Variants in CYLC2 observed in about 807,000 individuals in gnomAD.
CYLC2 encodes the protein cylicin 2.
A neutral mutation model predicts 26.1 loss-of-function variants in CYLC2; 30 were observed. The ratio of observed to expected loss-of-function variants is 1.15; its 90% CI spans 0.86 to 1.56. CYLC2 has a LOEUF of 1.56. CYLC2 is among the 40% of genes most tolerant of loss of function. CYLC2 has a pLI of 0.00. For synonymous variants in CYLC2, 158 were observed against 132.8 expected, an observed-to-expected ratio of 1.19 and a Z score of -1.31; for missense variants, 498 against 394.4, an observed-to-expected ratio of 1.26 and a Z score of -2.23.
At position 103,002,968 on chromosome 9, in the gene CYLC2, ATTT is replaced by A. The variant is rs1251580687; in HGVS notation, c.59-171_59-169del. On this transcript the variant is annotated intron_variant, in intron 2 of 7. Coordinates refer to ENST00000374798, the MANE Select transcript of CYLC2 (RefSeq NM_001340.5). ...AAAACTGCTCAAAATAGAAAAATCA[ATTT>A]TTATTTTCTCATATTGATAACAGAA... is the stretch of plus-strand genomic sequence containing the variant. 2.0e-5 allele frequency among the ~76,000 whole-genome samples: 3 copies of A among 152,156 alleles called. No homozygotes were observed. The South Asian group carries it at 6.2e-4, about 31-fold the overall frequency.
At chr9:103,007,889 T>A (rs944782810) in intron 5 of CYLC2, among the ~76,000 whole-genome samples, 1 of 152,104 alleles carries the variant, frequency 6.6e-6, no homozygotes, top group African/African-American at 2.4e-5. Flanking sequence ...CATTGGGTCC[T>A]GTCCCTCCTG....
rs140465830 is a variant in CYLC2, at chr9:102,996,109, T to C, written c.17+712T>C. Among the ~76,000 whole-genome samples the C allele has an allele frequency of 1.2e-3, 177 of 151,930 alleles. 5 individuals are homozygous for C. The East Asian group carries it at 0.033, about 29-fold the overall frequency. Reference sequence around the variant, plus strand: ...GTATGGGTGGGCCTTAATTTAGCAGTATTGTTAAAGGAAAGATAAAACATG... The same window carrying C: ...GTATGGGTGGGCCTTAATTTAGCAGCATTGTTAAAGGAAAGATAAAACATG... On this transcript the variant is annotated intron_variant, in intron 1 of 7. Coordinates refer to ENST00000374798, the MANE Select transcript of CYLC2 (RefSeq NM_001340.5).
At chr9:103,002,004 A>G (rs1829293377) in intron 2 of CYLC2, among the ~76,000 whole-genome samples, 1 of 152,168 alleles carries the variant, frequency 6.6e-6, no homozygotes, top group Non-Finnish European at 1.5e-5. Flanking sequence ...TTTCTTTACT[A>G]GACAAGGCAA....
In CYLC2 at chr9:103,010,275, C is replaced by A. The variant is rs143688257; in HGVS notation, c.*701-1707C>A. On this transcript the variant is annotated intron_variant, in intron 5 of 7. Transcript: ENST00000374798. ...TCCTTGTAAAAGCAGTGGCAAAATA[C>A]AAAATTATTGCATAATTATAATCAT... Among the ~76,000 whole-genome samples the A allele has an allele frequency of 5.1e-3, 780 of 152,088 alleles. 6 individuals carry two copies. Among genetic ancestry groups the A allele is most frequent in the African/African-American group, 0.018 (738 of 41,532 alleles).
In CYLC2 at chr9:103,013,003, G is replaced by A. The variant is rs117587901; in HGVS notation, c.*816+906G>A. On this transcript the variant is annotated intron_variant, in intron 6 of 7. Coordinates refer to ENST00000374798, the MANE Select transcript of CYLC2 (RefSeq NM_001340.5). The stretch of plus-strand genomic sequence containing the variant: ...GCATTTCTGTTGGCTGGAAAAAAAA[G>A]GAAAGGGTATGATTTTATTGATAGC... Among the ~76,000 whole-genome samples the A allele has an allele frequency of 0.011, 1,623 of 148,534 alleles. 98 individuals carry two copies. In the East Asian group the frequency reaches 0.2, roughly 18 times the overall value.
At chr9:102,999,495 C>A (rs1412570976) in intron 1 of CYLC2, among the ~76,000 whole-genome samples, 3 of 151,716 alleles carry the variant, frequency 2.0e-5, no homozygotes, top group African/African-American at 7.3e-5. Flanking sequence ...AAAATAGGAT[C>A]TGGATTTAAA....
Position 103,008,637 on chromosome 9 carries a change from A to G in CYLC2, c.*700+2259A>G, listed in dbSNP as rs143782452. Among the ~76,000 whole-genome samples, 779 of 152,220 alleles carry G rather than the reference A, an allele frequency of 5.1e-3. 6 individuals carry two copies. The highest frequency in any genetic ancestry group is 0.018 in the African/African-American group (737 of 41,546). On this transcript the variant is annotated intron_variant, in intron 5 of 7. Transcript: ENST00000374798. ...TGGTATCCAATCTGTAGCTTAATCC[A>G]AAATCAGTGAGTCATCCCTAATTAC...
intron 6 of CYLC2, among the ~76,000 whole-genome samples, chr9:103,013,291 A>G (rs1368695431): frequency 5.4e-4 from 58 of 108,276 alleles, no homozygotes; most frequent in African/African-American, 2.1e-3. Context: ...CACATTAAAT[A>G]TATATTTACA....
chr9:103,007,082 A>C (rs535115450), intron 5 of CYLC2, among the ~76,000 whole-genome samples: 1 of 152,124 alleles, frequency 6.6e-6, no homozygotes, highest in East Asian at 1.9e-4. Flanking sequence ...ATCAAACTAA[A>C]GGTTCAAATT....
Position 103,004,770 on chromosome 9 carries a change from G to A in CYLC2, c.256G>A (p.Glu86Lys). 6.2e-7 allele frequency: 1 copy of A among 1,612,302 alleles called. No homozygotes were observed. Among genetic ancestry groups the A allele is most frequent in the Admixed American group, 1.7e-5 (1 of 59,728 alleles). ...GTACCGTTCTTTAATGAGAATTTCT[G>A]AGAGACCATCTGTTTATTTAGCTGC... Reference protein sequence around the residue: ...WMYRSLMRISERPSVYLAARR... With the variant: ...WMYRSLMRISKRPSVYLAARR... The change falls in exon 4 of 8, where the codon GAG (glutamate) becomes AAG (lysine). Residue 86 changes from glutamate (E) to lysine (K), a missense_variant. Physicochemically the swap from Glu to Lys is moderately conservative, Grantham distance 56. Transcript: ENST00000374798.
chr9:102,995,481 A>T, intron 1 of CYLC2, 84 bp downstream of exon 1: 5 of 977,292 alleles, frequency 5.1e-6, no homozygotes, highest in Non-Finnish European at 8.2e-6. Context: ...GATATTTATT[A>T]TATTATTATG....
At chr9:102,997,887 T>A (rs958653375) in intron 1 of CYLC2, among the ~76,000 whole-genome samples, 8 of 151,938 alleles carry the variant, frequency 5.3e-5, no homozygotes, top group Non-Finnish European at 7.4e-5. Context: ...CTGAAAAAAA[T>A]TTTTTATGGT....
At chr9:103,013,191 T>TAA (rs1829430524) in intron 6 of CYLC2, among the ~76,000 whole-genome samples, 1 of 132,284 alleles carries the variant, frequency 7.6e-6, no homozygotes, top group Non-Finnish European at 1.6e-5. Context: ...ATATATTATA[T>TAA]ATAACATATT....
At chr9:103,003,309 T>G (rs1829307693) in intron 3 of CYLC2, 46 bp downstream of exon 3, 2 of 1,479,820 alleles carry the variant, frequency 1.4e-6, no homozygotes, top group African/African-American at 1.4e-5. Flanking sequence ...AAGTAATAAC[T>G]TAGTAATAAT....
At chr9:103,012,348 G>C (rs1294927573) in intron 6 of CYLC2, among the ~76,000 whole-genome samples, 1 of 151,720 alleles carries the variant, frequency 6.6e-6, no homozygotes, top group Non-Finnish European at 1.5e-5. Flanking sequence ...GTTCCTTCAG[G>C]TCCACTTTTT....
At chr9:103,015,124 A>G (rs1293499890) in intron 6 of CYLC2, among the ~76,000 whole-genome samples, 1 of 24,426 alleles carries the variant, frequency 4.1e-5, no homozygotes, top group African/African-American at 1.5e-4. Flanking sequence ...CATGTATATC[A>G]CGTGATATAC....
At chr9:103,002,418 T>A (rs554785963) in intron 2 of CYLC2, among the ~76,000 whole-genome samples, 388 of 128,202 alleles carry the variant, frequency 3.0e-3, no homozygotes, top group Admixed American at 7.0e-3. Context: ...CAAGCTGGAG[T>A]GCAGTGGCAT....
chr9:103,015,039 T>C (rs945627139), intron 6 of CYLC2, among the ~76,000 whole-genome samples: 1 of 112,524 alleles, frequency 8.9e-6, no homozygotes, highest in African/African-American at 3.2e-5. Context: ...ACATGTGATA[T>C]ACATAATTTG....
chr9:103,005,074 AG>A lies in CYLC2; in HGVS notation c.444del (p.Gly150GlufsTer6). On this transcript the variant is annotated frameshift_variant, in exon 5 of 8. Coordinates refer to ENST00000374798, the MANE Select transcript of CYLC2 (RefSeq NM_001340.5). LOFTEE classifies it high-confidence loss of function. ...KKDSKKGKDI[E>X]KGKEEKLDAK... ...GATTCAAAGAAAGGCAAGGATATAG[AG>A]AAAGGAAAAGAAGAAAAGCTAGATG... The A allele has an allele frequency of 6.2e-7, 1 of 1,605,868 alleles. No homozygotes were observed. The highest frequency in any genetic ancestry group is 8.5e-7 in the Non-Finnish European group (1 of 1,177,230).
Sources: allele counts gnomAD v4.1 joint callset (sites outside exome capture counted in the v4.1 genomes callset), GRCh38; gene constraint gnomAD v4.1.1; transcripts MANE v1.5; gene names NCBI Gene and HGNC (gene_info 2026-07-23, HGNC 2026-07-21).